Variants in MARCO observed in about 807,000 individuals in gnomAD.
MARCO encodes macrophage receptor MARCO.
In MARCO, 72 loss-of-function variants were observed where a neutral mutation model predicts 70.0. That is an observed-to-expected ratio of 1.03 (90% CI 0.85 to 1.25). MARCO has a LOEUF of 1.25. MARCO is among the 50% of genes most tolerant of loss of function. MARCO has a pLI of 0.00. For missense variants in MARCO, 696 were observed against 659.3 expected, an observed-to-expected ratio of 1.06 and a Z score of -0.61; for synonymous variants, 273 against 243.1, an observed-to-expected ratio of 1.12 and a Z score of -1.14.
intron 1 of MARCO, among the ~76,000 whole-genome samples, chr2:118,962,724 A>G (rs1040700234): frequency 1.3e-5 from 2 of 152,108 alleles, no homozygotes; most frequent in East Asian, 1.9e-4. Context: ...TATGCTGGTA[A>G]AACTATCTGG....
rs779237858 is a variant in MARCO, at chr2:118,974,355, C to G, written c.483C>G (p.Ala161=). The G allele has an allele frequency of 6.2e-7, 1 of 1,604,884 alleles. No homozygotes were observed. Among genetic ancestry groups the G allele is most frequent in the South Asian group, 1.1e-5 (1 of 89,066 alleles). ...GAPGLQGHKG[A]MGMPGAPGPP... ...CAGGTCTTCAAGGTCACAAGGGGGCCATGGGCATGCCTGGTGCCCCTGGCC... is the reference window on the plus strand; with the variant it reads ...CAGGTCTTCAAGGTCACAAGGGGGCGATGGGCATGCCTGGTGCCCCTGGCC... Residue 161 remains alanine (A), a synonymous_variant, in exon 5 of 17, where the codon GCC becomes GCG. Transcript: ENST00000327097.
intron 1 of MARCO, among the ~76,000 whole-genome samples, chr2:118,959,050 G>A (rs373576345): frequency 8.6e-5 from 13 of 152,014 alleles, no homozygotes; most frequent in African/African-American, 3.1e-4. Context: ...GATAACATTG[G>A]GAAAACCCTT....
At chr2:118,971,766 C>G (rs979361948) in intron 4 of MARCO, among the ~76,000 whole-genome samples, 3 of 152,252 alleles carry the variant, frequency 2.0e-5, no homozygotes, top group Non-Finnish European at 4.4e-5. Context: ...CCTCTCTCCA[C>G]TCCCCCATCC....
Position 118,943,607 on chromosome 2 carries a change from G to T in MARCO, c.97+1210G>T, listed in dbSNP as rs560369638. ...AGGACATGATGGACAGATCTAACCA[G>T]GTGTAGAGCCCTGGAGGGCAGAGCT... On this transcript the variant is annotated intron_variant, in intron 1 of 16. Coordinates refer to ENST00000327097, the MANE Select transcript of MARCO (RefSeq NM_006770.4). 1.1e-4 allele frequency among the ~76,000 whole-genome samples: 17 copies of T among 152,334 alleles called. No homozygotes were observed. The South Asian group carries it at 3.3e-3, about 30-fold the overall frequency.
chr2:118,955,627 G>A (rs1679820591), intron 1 of MARCO, among the ~76,000 whole-genome samples: 1 of 152,166 alleles, frequency 6.6e-6, no homozygotes, highest in Admixed American at 6.5e-5. Context: ...GTTGCAAAAA[G>A]ATCTTCCCCT....
intron 1 of MARCO, chr2:118,949,340 C>G (rs1573373773): frequency 6.6e-6 from 1 of 152,284 alleles, no homozygotes; most frequent in Admixed American, 6.5e-5. Flanking sequence ...TCTATTTTAA[C>G]CAGGCATTTA....
intron 1 of MARCO, among the ~76,000 whole-genome samples, chr2:118,952,300 T>A: frequency 6.6e-6 from 1 of 152,060 alleles, no homozygotes; most frequent in East Asian, 1.9e-4. Flanking sequence ...TCCCTTCCCC[T>A]CTCTGAAGGT....
chr2:118,971,140 C>T (rs1375465747), intron 3 of MARCO, among the ~76,000 whole-genome samples: 1 of 152,144 alleles, frequency 6.6e-6, no homozygotes, highest in African/African-American at 2.4e-5. Context: ...ACACAGACAC[C>T]ATGGGAGTGT....
chr2:118,981,573 G>A, intron 9 of MARCO, 48 bp from the exon 10 acceptor site: 3 of 1,584,834 alleles, frequency 1.9e-6, no homozygotes, highest in Non-Finnish European at 2.6e-6. Flanking sequence ...TTTCTGGCTG[G>A]CTGAGCCAAA....
chr2:118,967,294 G>A (rs1379020267), intron 1 of MARCO, among the ~76,000 whole-genome samples: 1 of 152,202 alleles, frequency 6.6e-6, no homozygotes, highest in East Asian at 1.9e-4. Context: ...AGGAGAGCCA[G>A]TATTCAGGGG....
intron 1 of MARCO, among the ~76,000 whole-genome samples, chr2:118,962,067 C>T (rs1229532520): frequency 6.6e-6 from 1 of 152,120 alleles, no homozygotes; most frequent in East Asian, 1.9e-4. Flanking sequence ...TATTCTGTTC[C>T]ATTAGTCTAT....
intron 4 of MARCO, among the ~76,000 whole-genome samples, chr2:118,972,084 C>T (rs1363173308): frequency 6.6e-6 from 1 of 152,216 alleles, no homozygotes; most frequent in Non-Finnish European, 1.5e-5. Flanking sequence ...GGAGCCCCAG[C>T]CACTCACCTG....
At chr2:118,969,933 T>C (rs1010615143) in intron 2 of MARCO, among the ~76,000 whole-genome samples, 181 bp from the exon 3 acceptor site, 8 of 152,142 alleles carry the variant, frequency 5.3e-5, no homozygotes, top group Non-Finnish European at 1.2e-4. Flanking sequence ...CATGCCTGAG[T>C]GTGGAGCGCA....
intron 1 of MARCO, among the ~76,000 whole-genome samples, chr2:118,954,137 T>C (rs1679782007): frequency 6.6e-6 from 1 of 152,192 alleles, no homozygotes. Context: ...AAAGCCCTTG[T>C]CTTTGGCAGC....
At chr2:118,967,291 C>T (rs1680070525) in intron 1 of MARCO, among the ~76,000 whole-genome samples, 2 of 152,140 alleles carry the variant, frequency 1.3e-5, no homozygotes. Flanking sequence ...AGGAGGAGAG[C>T]CAGTATTCAG....
chr2:118,948,080 T>C (rs1358116498), intron 1 of MARCO, among the ~76,000 whole-genome samples: 2 of 152,364 alleles, frequency 1.3e-5, no homozygotes, highest in Non-Finnish European at 2.9e-5. Flanking sequence ...TTCCATTTTC[T>C]TTGGTGTTAG....
Position 118,969,200 on chromosome 2 carries a change from A to G in MARCO, c.138A>G (p.Leu46=), listed in dbSNP as rs753115030. 5 of 1,614,172 alleles carry G rather than the reference A, an allele frequency of 3.1e-6. No individual in the cohort carries two copies. The Admixed American group carries it at 8.3e-5, about 27-fold the overall frequency. ...PKRRNGVNFS[L]AVVVIYLILL... ...GGAGAAATGGGGTGAACTTCTCCCTAGCTGTGGTGGTCATCTACCTGATCC... is the reference window on the plus strand; with the variant it reads ...GGAGAAATGGGGTGAACTTCTCCCTGGCTGTGGTGGTCATCTACCTGATCC... Residue 46 remains leucine (L), a synonymous_variant, in exon 2 of 17, where the codon CTA becomes CTG. Transcript: ENST00000327097.
intron 4 of MARCO, 141 bp downstream of exon 4, chr2:118,971,675 T>C (rs995144427): frequency 1.3e-4 from 103 of 792,208 alleles, no homozygotes; most frequent in Admixed American, 5.6e-4. Context: ...TTGTCTTCAG[T>C]TGGGTCTCCT....
chr2:118,974,639 C>G, intron 6 of MARCO, 74 bp downstream of exon 6: 2 of 1,431,648 alleles, frequency 1.4e-6, no homozygotes, highest in South Asian at 2.5e-5. Context: ...GCTGCAGACG[C>G]AGCCTCCCTC....
Sources: gnomAD v4.1 joint callset for allele counts (sites outside exome capture counted in the v4.1 genomes callset) on GRCh38, gnomAD v4.1.1 for gene constraint, MANE v1.5 for transcripts, NCBI Gene and HGNC (gene_info 2026-07-23, HGNC 2026-07-21) for gene names.